MACROD2: variants seen among roughly 807,000 people sequenced by gnomAD.
MACROD2 encodes ADP-ribose glycohydrolase MACROD2.
In MACROD2, 36 loss-of-function variants were observed where a neutral mutation model predicts 70.4. The ratio of observed to expected loss-of-function variants is 0.51; its 90% CI spans 0.39 to 0.68. MACROD2 has a LOEUF of 0.68. MACROD2 is among the 30% of genes least tolerant of loss of function. The pLI is 0.00. For synonymous variants in MACROD2, 172 were observed against 178.8 expected, an observed-to-expected ratio of 0.96 and a Z score of 0.30; for missense variants, 496 against 538.4, an observed-to-expected ratio of 0.92 and a Z score of 0.78.
At position 14,940,148 on chromosome 20, in the gene MACROD2, CAAAAAAAAAAAAAAAA is replaced by C. The variant is rs57697517; in HGVS notation, c.418+255202_418+255217del. On this transcript the variant is annotated intron_variant, in intron 5 of 17. Transcript: ENST00000684519. ...CAACATATGGAAACCCTCATCTCTG[CAAAAAAAAAAAAAAAA>C]AAAAAAAAAAAATTAAAAAGTTAGC... is the stretch of plus-strand genomic sequence containing the variant. Among the ~76,000 whole-genome samples, 728 of 55,134 alleles carry C rather than the reference CAAAAAAAAAAAAAAAA, an allele frequency of 0.013. 32 individuals are homozygous for C. The East Asian group carries it at 0.16, about 12-fold the overall frequency. 36.2% of individuals were successfully genotyped at this position (55,134 alleles called of 152,430 possible). A position where few individuals can be genotyped will look rare whatever the true frequency, so the allele number is the denominator to read the frequency against.
Position 15,581,388 on chromosome 20 carries a change from C to T in MACROD2, c.645+81541C>T, listed in dbSNP as rs150080889. On this transcript the variant is annotated intron_variant, in intron 8 of 17. Transcript: ENST00000684519. ...AATTATTTGGTCTTTTTAAATTTGACCTCTCTTGATGAAACTTTTTTTCTC... is the reference window on the plus strand; with the variant it reads ...AATTATTTGGTCTTTTTAAATTTGATCTCTCTTGATGAAACTTTTTTTCTC... 1.3e-3 allele frequency among the ~76,000 whole-genome samples: 192 copies of T among 152,266 alleles called. 1 individual carries two copies. The highest frequency in any genetic ancestry group is 3.4e-3 in the Middle Eastern group (1 of 294).
intron 2 of MACROD2, among the ~76,000 whole-genome samples, chr20:14,017,659 C>G (rs1221938917): frequency 1.3e-5 from 2 of 152,084 alleles, no homozygotes; most frequent in Admixed American, 1.3e-4. Flanking sequence ...GTAAATCACA[C>G]TTGGTCACGT....
At chr20:15,825,553 C>T (rs540946768) in intron 8 of MACROD2, among the ~76,000 whole-genome samples, 1 of 151,584 alleles carries the variant, frequency 6.6e-6, no homozygotes, top group Admixed American at 6.6e-5. Context: ...GGTTGGAGTA[C>T]AGTGGCCCAA....
intron 14 of MACROD2, 69 bp downstream of exon 14, chr20:15,986,870 C>T (rs1180764687): frequency 1.2e-5 from 15 of 1,253,868 alleles, no homozygotes; most frequent in Non-Finnish European, 1.7e-5. Flanking sequence ...TCTATATATA[C>T]CTGTGTGTGT....
chr20:15,871,926 C>T (rs1319546798), intron 9 of MACROD2, among the ~76,000 whole-genome samples: 1 of 152,140 alleles, frequency 6.6e-6, no homozygotes, highest in Non-Finnish European at 1.5e-5. Flanking sequence ...GAGAGACTGG[C>T]CTTTCAACAA....
chr20:14,558,125 G>A (rs1178784412), intron 4 of MACROD2, among the ~76,000 whole-genome samples: 2 of 151,758 alleles, frequency 1.3e-5, no homozygotes, highest in Non-Finnish European at 2.9e-5. Flanking sequence ...ACTACATATT[G>A]TATGATTCCA....
At chr20:15,835,644 TTATAA>T (rs1292192691) in intron 8 of MACROD2, among the ~76,000 whole-genome samples, 1 of 152,120 alleles carries the variant, frequency 6.6e-6, no homozygotes, top group African/African-American at 2.4e-5. Context: ...GATAGAATAA[TTATAA>T]TATTATATCT....
At chr20:14,451,668 A>C (rs1025785128) in intron 3 of MACROD2, among the ~76,000 whole-genome samples, 1 of 152,274 alleles carries the variant, frequency 6.6e-6, no homozygotes, top group African/African-American at 2.4e-5. Flanking sequence ...CTGAGGCATA[A>C]GAAACAAGGC....
intron 8 of MACROD2, among the ~76,000 whole-genome samples, chr20:15,791,018 T>C (rs79934562): frequency 0.018 from 2,748 of 152,094 alleles, 69 homozygotes; most frequent in African/African-American, 0.062. Context: ...CTTTGTGTTC[T>C]GCCTTTTTCA....
rs931295798 is a variant in MACROD2 at position 15,090,854 on chromosome 20, C to T, written c.419-139086C>T. On this transcript the variant is annotated intron_variant, in intron 5 of 17. Coordinates refer to ENST00000684519, the MANE Select transcript of MACROD2 (RefSeq NM_001351661.2). Reference sequence around the variant, plus strand: ...GGAGATTCTAGGGATACTTTCTGTGCCCCATCCATACCCTTTCAGATATTA... The same window carrying T: ...GGAGATTCTAGGGATACTTTCTGTGTCCCATCCATACCCTTTCAGATATTA... 2.0e-5 allele frequency among the ~76,000 whole-genome samples: 3 copies of T among 152,016 alleles called. No homozygotes were observed. In the East Asian group the frequency reaches 5.8e-4, roughly 29 times the overall value.
chr20:14,350,781 T>A (rs2083116146), intron 3 of MACROD2, among the ~76,000 whole-genome samples: 1 of 152,186 alleles, frequency 6.6e-6, no homozygotes, highest in Non-Finnish European at 1.5e-5. Context: ...ATTTGCCCAT[T>A]TTTGCTTTGG....
chr20:15,514,447 A>T (rs1461231445), intron 8 of MACROD2, among the ~76,000 whole-genome samples: 1 of 152,240 alleles, frequency 6.6e-6, no homozygotes, highest in African/African-American at 2.4e-5. Context: ...ATTGTGTTAC[A>T]ATTACCTACA....
At chr20:16,008,299 A>G (rs2066817145) in intron 15 of MACROD2, among the ~76,000 whole-genome samples, 1 of 152,166 alleles carries the variant, frequency 6.6e-6, no homozygotes, top group Non-Finnish European at 1.5e-5. Flanking sequence ...ACCTTTCATC[A>G]TTTGACTATG....
chr20:14,458,214 G>T (rs775664033), intron 3 of MACROD2, among the ~76,000 whole-genome samples: 1 of 152,136 alleles, frequency 6.6e-6, no homozygotes, highest in Non-Finnish European at 1.5e-5. Context: ...TGACAATCCA[G>T]TGGAGTTCAC....
chr20:15,876,111 A>ATATATATATATATATATATATATG (rs1555789655), intron 9 of MACROD2, among the ~76,000 whole-genome samples: 20 of 138,834 alleles, frequency 1.4e-4, no homozygotes, highest in African/African-American at 4.0e-4. Flanking sequence ...ATATATATAT[A>ATATATATATATATATATATATATG]TGTGTGTATT....
At chr20:15,050,355 T>A (rs1349325568) in intron 5 of MACROD2, among the ~76,000 whole-genome samples, 1 of 152,174 alleles carries the variant, frequency 6.6e-6, no homozygotes, top group African/African-American at 2.4e-5. Flanking sequence ...GAAAAGCACA[T>A]AATTTATCTC....
chr20:14,962,527 TTCTCTCTCTCTC>T (rs1410453703), intron 5 of MACROD2, among the ~76,000 whole-genome samples: 1 of 135,952 alleles, frequency 7.4e-6, no homozygotes, highest in East Asian at 2.2e-4. Flanking sequence ...CTCTCTCTCT[TTCTCTCTCTCTC>T]TCTTTCTCTC....
chr20:14,978,619 C>A (rs1359400064), intron 5 of MACROD2, among the ~76,000 whole-genome samples: 1 of 146,894 alleles, frequency 6.8e-6, no homozygotes, highest in Non-Finnish European at 1.5e-5. Context: ...ACTTTATTTC[C>A]CAACCCCCCC....
intron 1 of MACROD2, among the ~76,000 whole-genome samples, chr20:13,997,460 T>G (rs2052678886): frequency 6.6e-6 from 1 of 152,210 alleles, no homozygotes. Context: ...GACATTGTTT[T>G]CAGTAACATG....
Sources: allele counts gnomAD v4.1 joint callset (sites outside exome capture counted in the v4.1 genomes callset), GRCh38; gene constraint gnomAD v4.1.1; transcripts MANE v1.5; gene names NCBI Gene and HGNC (gene_info 2026-07-23, HGNC 2026-07-21).